Variants in VRK2 observed in about 807,000 individuals in gnomAD.
VRK2 encodes the protein serine/threonine-protein kinase VRK2.
VRK2 carries 60 observed loss-of-function variants against 57.6 expected under a neutral mutation model. The observed-to-expected ratio is 1.04, with a 90% CI of 0.85 to 1.29. The LOEUF (loss-of-function observed/expected upper bound fraction) is 1.29. VRK2 is among the 50% of genes most tolerant of loss of function. VRK2 has a pLI of 0.00. For synonymous variants in VRK2, 231 were observed against 199.2 expected (o/e 1.16, Z -1.35); for missense variants, 705 against 588.1 (o/e 1.20, Z -2.06).
At position 58,159,257 on chromosome 2, in the gene VRK2, C is replaced by T. The variant is rs983557048; in HGVS notation, c.1183-92C>T. 4 of 973,340 alleles carry T rather than the reference C, an allele frequency of 4.1e-6. No individual in the cohort carries two copies. In the East Asian group the frequency reaches 9.8e-5, roughly 24 times the overall value. The allele number at this position is 973,340 out of a possible 1,614,324, so 60.3% of individuals were successfully genotyped here. ...CACGCAAAAACTTGATCTTGTATAACATTTTATTTAGCATTCTTACACACT... is the reference window on the plus strand; with the variant it reads ...CACGCAAAAACTTGATCTTGTATAATATTTTATTTAGCATTCTTACACACT... On this transcript the variant is annotated intron_variant, in intron 12 of 12. Transcript: ENST00000340157.
intron 12 of VRK2, among the ~76,000 whole-genome samples, chr2:58,158,747 A>ATAAG (rs1553431691): frequency 1.3e-5 from 2 of 152,158 alleles, no homozygotes; most frequent in Admixed American, 6.5e-5. Flanking sequence ...CGAAACTTGC[A>ATAAG]TAAGTAACCA....
intron 2 of VRK2, among the ~76,000 whole-genome samples, chr2:58,071,819 A>G (rs978681407): frequency 6.6e-6 from 1 of 152,058 alleles, no homozygotes; most frequent in Non-Finnish European, 1.5e-5. Context: ...TATCCACAAC[A>G]TAACTTGTGT....
chr2:58,008,800 A>G (rs1673332648), intron 1 of VRK2, among the ~76,000 whole-genome samples: 1 of 152,116 alleles, frequency 6.6e-6, no homozygotes, highest in Non-Finnish European at 1.5e-5. Context: ...TGCTATAACA[A>G]AACACCAGAG....
chr2:58,013,858 C>CAAAAAAAAAAAAAAA (rs60604486), intron 1 of VRK2, among the ~76,000 whole-genome samples: 1 of 62,790 alleles, frequency 1.6e-5, no homozygotes, highest in African/African-American at 5.4e-5. Context: ...GACTCCGTCT[C>CAAAAAAAAAAAAAAA]AAAAAAAAAA....
intron 5 of VRK2, 52 bp downstream of exon 5, chr2:58,086,478 G>A (rs1193883246): frequency 9.7e-6 from 14 of 1,449,028 alleles, no homozygotes; most frequent in Non-Finnish European, 1.3e-5. Context: ...TTCCTTATGT[G>A]GTCTATGAGT....
intron 2 of VRK2, among the ~76,000 whole-genome samples, chr2:58,072,814 G>C (rs564131683): frequency 6.6e-6 from 1 of 151,996 alleles, no homozygotes; most frequent in African/African-American, 2.4e-5. Context: ...TTCTAGGAGA[G>C]ATTGTAGAGA....
chr2:58,065,848 A>G (rs1668533093), intron 2 of VRK2, among the ~76,000 whole-genome samples: 1 of 152,144 alleles, frequency 6.6e-6, no homozygotes, highest in African/African-American at 2.4e-5. Context: ...ATTGATATAT[A>G]CATTTTTTGG....
At chr2:57,935,476 G>A (rs1035601640) in intron 1 of VRK2, among the ~76,000 whole-genome samples, 1 of 152,160 alleles carries the variant, frequency 6.6e-6, no homozygotes, top group Non-Finnish European at 1.5e-5. Flanking sequence ...CAAATCATCT[G>A]TGTGAGATGC....
chr2:58,143,967 A>G (rs1200115565), intron 11 of VRK2, among the ~76,000 whole-genome samples: 1 of 151,516 alleles, frequency 6.6e-6, no homozygotes, highest in Non-Finnish European at 1.5e-5. Flanking sequence ...GTATATACAT[A>G]TATATGTATA....
chr2:58,001,053 T>C (rs1353108897), intron 1 of VRK2, among the ~76,000 whole-genome samples: 1 of 152,186 alleles, frequency 6.6e-6, no homozygotes, highest in Non-Finnish European at 1.5e-5. Flanking sequence ...GGCATAATTT[T>C]CAAAATAATA....
At chr2:58,034,633 G>C (rs1448849864) in intron 3 of VRK2, among the ~76,000 whole-genome samples, 2 of 151,890 alleles carry the variant, frequency 1.3e-5, no homozygotes, top group African/African-American at 4.8e-5. Context: ...CTGAATTGCT[G>C]TTTCTGGCCA....
At chr2:58,137,794 A>G (rs1680757276) in intron 10 of VRK2, among the ~76,000 whole-genome samples, 1 of 152,166 alleles carries the variant, frequency 6.6e-6, no homozygotes, top group South Asian at 2.1e-4. Flanking sequence ...AAAAATCATA[A>G]TTTCATACTA....
chr2:58,019,162 G>A (rs2103667198), intron 1 of VRK2, among the ~76,000 whole-genome samples: 1 of 152,208 alleles, frequency 6.6e-6, no homozygotes, highest in Admixed American at 6.5e-5. Context: ...AAATATTTGT[G>A]GAATTAACTG....
At chr2:58,106,056 A>AG (rs1434486752) in intron 7 of VRK2, among the ~76,000 whole-genome samples, 9 of 151,948 alleles carry the variant, frequency 5.9e-5, no homozygotes, top group African/African-American at 1.2e-4. Context: ...ACAAAGAGGA[A>AG]GACCATTAAG....
chr2:58,034,211 T>A (rs1674203862), intron 3 of VRK2, among the ~76,000 whole-genome samples: 1 of 152,038 alleles, frequency 6.6e-6, no homozygotes, highest in Non-Finnish European at 1.5e-5. Context: ...AACTCACAAA[T>A]TTCAGTATGG....
chr2:58,060,517 C>T (rs1190348904), intron 2 of VRK2, among the ~76,000 whole-genome samples: 3 of 151,412 alleles, frequency 2.0e-5, no homozygotes, highest in Non-Finnish European at 3.0e-5. Flanking sequence ...GGTAAAGAAG[C>T]AGATCTCAGT....
chr2:58,034,573 A>G (rs543471333), intron 3 of VRK2, among the ~76,000 whole-genome samples: 2 of 152,060 alleles, frequency 1.3e-5, no homozygotes, highest in East Asian at 3.9e-4. Flanking sequence ...GTTTTATTAC[A>G]TTCTCCCTCT....
At position 58,137,109 on chromosome 2, in the gene VRK2, CAT is replaced by C. The variant is rs1301526333; in HGVS notation, c.856+1915_856+1916del. ...ATATGTGTATATATCATATATATAA[CAT>C]ATATCATATATGTGTATATATCATA... is the stretch of plus-strand genomic sequence containing the variant. On this transcript the variant is annotated intron_variant, in intron 10 of 12. Transcript: ENST00000340157. Among the ~76,000 whole-genome samples the C allele has an allele frequency of 9.0e-3, 715 of 79,810 alleles. 10 individuals carry two copies. The highest frequency in any genetic ancestry group is 0.023 in the South Asian group (53 of 2,312). 52.4% of individuals were successfully genotyped at this position (79,810 alleles called of 152,430 possible). A position where few individuals can be genotyped will look rare whatever the true frequency, so the allele number is the denominator to read the frequency against.
rs1558722103 is a variant in VRK2, at chr2:58,159,376, C to CA, written c.1212dup (p.Glu405ArgfsTer8). 6.2e-7 allele frequency: 1 copy of CA among 1,609,926 alleles called. No individual in the cohort carries two copies. Among genetic ancestry groups the CA allele is most frequent in the Non-Finnish European group, 8.5e-7 (1 of 1,178,458 alleles). ...AAGCACAAGGAGAAGACAGAAATAT[C>CA]AAGAGTCTCAAGAACCTTTGAATGA... On this transcript the variant is annotated frameshift_variant, in exon 13 of 13. Transcript: ENST00000340157. LOFTEE classifies it low-confidence loss of function (END_TRUNC).
Sources: gnomAD v4.1 joint callset for allele counts (sites outside exome capture counted in the v4.1 genomes callset) on GRCh38, gnomAD v4.1.1 for gene constraint, MANE v1.5 for transcripts, NCBI Gene and HGNC (gene_info 2026-07-23, HGNC 2026-07-21) for gene names.